ZNF469: variants seen among roughly 807,000 people sequenced by gnomAD.
ZNF469 encodes zinc finger protein 469.
ZNF469 carries 1 observed loss-of-function variant against 1.0 expected under a neutral mutation model. The ratio of observed to expected loss-of-function variants is 1.00; its 90% confidence interval spans 0.35 to 4.73. The LOEUF (loss-of-function observed/expected upper bound fraction) is 4.73, where lower values mean the gene tolerates loss of function less well. Among genes scored for constraint, ZNF469 ranks in the 30% most tolerant of loss-of-function variants. The pLI is 0.16. For missense variants in ZNF469, 6,100 were observed against 5,356.3 expected (o/e 1.14, Z -4.33); for synonymous variants, 2,703 against 2,363.4 (o/e 1.14, Z -4.17).
rs751974223 is a variant in ZNF469, at chr16:88,429,348, C to G, written c.1878C>G (p.Pro626=). ...CCAGCTCAGAGGAAAGCCAGCTCCC[C>G]GGCCCCCTCGGGCCCTCGGCCTTCT... ...ANPSSEESQL[P]GPLGPSAFFH... is the part of the protein sequence containing the mutation. The change falls in exon 3 of 3, where the codon CCC becomes CCG. Residue 626 remains proline (P), a synonymous_variant. Transcript: ENST00000565624. 1.9e-6 allele frequency: 3 copies of G among 1,549,786 alleles called. No individual in the cohort carries two copies. The highest frequency in any genetic ancestry group is 2.6e-6 in the Non-Finnish European group (3 of 1,146,724).
the ZNF469 span, among the ~76,000 whole-genome samples, chr16:88,335,621 C>T: frequency 6.6e-6 from 1 of 152,242 alleles, no homozygotes; most frequent in South Asian, 2.1e-4. Flanking sequence ...TTGCCAAGTC[C>T]AGGCAGATGC....
At chr16:88,320,353 T>G in the ZNF469 span, among the ~76,000 whole-genome samples, 1 of 152,202 alleles carries the variant, frequency 6.6e-6, no homozygotes, top group African/African-American at 2.4e-5. Flanking sequence ...TCATCAGCAT[T>G]TCTTAAAGGC....
the ZNF469 span, among the ~76,000 whole-genome samples, chr16:88,264,263 G>A: frequency 2.6e-5 from 4 of 152,046 alleles, no homozygotes; most frequent in East Asian, 7.8e-4. Context: ...AGGAGCGGAC[G>A]CCCCGTGGCT....
the ZNF469 span, chr16:88,178,785 C>T: frequency 6.6e-6 from 1 of 151,968 alleles, no homozygotes; most frequent in South Asian, 2.1e-4. Context: ...GTCACTCACT[C>T]ATTCAGGAAT....
In ZNF469 at chr16:88,434,791, C is replaced by T. The variant is rs546137802; in HGVS notation, c.7321C>T (p.Pro2441Ser). Residue 2441 changes from proline to serine, a missense_variant, in exon 3 of 3, where the codon CCC becomes TCC. Transcript: ENST00000565624. ...GACTCCCCAGGGGGACCCCCTCGGC[C>T]CCCAAGACCTCAAACAGAGGTCCCG... Reference protein sequence around the residue: ...HQTPQGDPLGPQDLKQRSRGY... With the variant: ...HQTPQGDPLGSQDLKQRSRGY... The T allele has an allele frequency of 1.3e-4, 206 of 1,550,366 alleles. 1 individual carries two copies. The South Asian group carries it at 2.4e-3, about 18-fold the overall frequency.
chr16:88,376,179 G>A, the ZNF469 span, among the ~76,000 whole-genome samples: 3 of 152,270 alleles, frequency 2.0e-5, no homozygotes, highest in Admixed American at 1.3e-4. Context: ...AGTCGCCCCA[G>A]CAACACAAAA....
At chr16:88,395,770 A>G in intron 1 of ZNF469, among the ~76,000 whole-genome samples, 1 of 152,244 alleles carries the variant, frequency 6.6e-6, no homozygotes, top group East Asian at 1.9e-4. Context: ...ATGCTGGGCC[A>G]TTCCACAGCC....
chr16:88,112,772 C>CTTTTTTTTTTTTTTTTTTTTTTTTTTTTT, the ZNF469 span, among the ~76,000 whole-genome samples: 9 of 73,468 alleles, frequency 1.2e-4, 1 homozygote, highest in African/African-American at 3.6e-4. Context: ...TGTGCAGAAG[C>CTTTTTTTTTTTTTTTTTTTTTTTTTTTTT]TTTTTTTTTT....
At chr16:88,250,285 T>C in the ZNF469 span, among the ~76,000 whole-genome samples, 1 of 152,224 alleles carries the variant, frequency 6.6e-6, no homozygotes, top group Non-Finnish European at 1.5e-5. Flanking sequence ...TATTTGAACT[T>C]TATATGAGTG....
chr16:88,434,790 C>T lies in ZNF469; in HGVS notation c.7320C>T (p.Gly2440=). The T allele has an allele frequency of 6.5e-7, 1 of 1,550,332 alleles. No individual in the cohort carries two copies. Among genetic ancestry groups the T allele is most frequent in the Non-Finnish European group, 8.7e-7 (1 of 1,146,960 alleles). Residue 2440 remains glycine (G), a synonymous_variant, in exon 3 of 3, where the codon GGC becomes GGT. Transcript: ENST00000565624. ...AGACTCCCCAGGGGGACCCCCTCGG[C>T]CCCCAAGACCTCAAACAGAGGTCCC... is the stretch of plus-strand genomic sequence containing the variant. The part of the protein sequence containing the change: ...SHQTPQGDPL[G]PQDLKQRSRG...
At chr16:88,286,691 A>T in the ZNF469 span, among the ~76,000 whole-genome samples, 1 of 152,228 alleles carries the variant, frequency 6.6e-6, no homozygotes, top group Non-Finnish European at 1.5e-5. Flanking sequence ...GCTCCCAATG[A>T]CTGACAGGTG....
rs1479420979 is a variant in ZNF469, at chr16:88,439,044, C to CCCGA, written c.11577_11580dup (p.Lys3861AspfsTer56). 2 of 1,550,518 alleles carry CCCGA rather than the reference C, an allele frequency of 1.3e-6. No homozygotes were observed. The highest frequency in any genetic ancestry group is 8.7e-7 in the Non-Finnish European group (1 of 1,146,970). On this transcript the variant is annotated frameshift_variant, in exon 3 of 3. Transcript: ENST00000565624. LOFTEE classifies it low-confidence loss of function (END_TRUNC). ...AGCAGGCAACTCCCAGCCGCGTGCT[C>CCCGA]CCGACCAAGCCCAAGCCCAACAGCC... is the stretch of plus-strand genomic sequence containing the variant.
Position 88,432,839 on chromosome 16 carries a change from C to A in ZNF469, c.5369C>A (p.Ala1790Asp). Reference protein sequence around the residue: ...PGTADQPHRGAPAPEAFGSPA... With the variant: ...PGTADQPHRGDPAPEAFGSPA... ...ACAGCAGACCAGCCCCACCGAGGGG[C>A]CCCTGCTCCAGAAGCTTTTGGCAGC... Residue 1790 changes from alanine (A) to aspartate (D), a missense_variant, in exon 3 of 3, where the codon GCC becomes GAC. Coordinates refer to ENST00000565624, the MANE Select transcript of ZNF469 (RefSeq NM_001367624.2). 1 of 1,550,142 alleles carries A rather than the reference C, an allele frequency of 6.5e-7. No individual in the cohort carries two copies. The highest frequency in any genetic ancestry group is 8.7e-7 in the Non-Finnish European group (1 of 1,146,898).
the ZNF469 span, among the ~76,000 whole-genome samples, chr16:88,225,463 T>A: frequency 1.3e-5 from 2 of 152,094 alleles, no homozygotes; most frequent in Non-Finnish European, 2.9e-5. Flanking sequence ...TGGGCAGGGA[T>A]TGGGGAGACC....
the ZNF469 span, among the ~76,000 whole-genome samples, chr16:88,228,237 C>G: frequency 1.3e-5 from 2 of 152,238 alleles, no homozygotes; most frequent in African/African-American, 2.4e-5. Context: ...GACCCTGCCT[C>G]GCTCCTTGGT....
the ZNF469 span, among the ~76,000 whole-genome samples, chr16:88,210,429 C>G: frequency 2.0e-5 from 3 of 152,074 alleles, no homozygotes; most frequent in African/African-American, 7.2e-5. Context: ...TCTAGTGTTG[C>G]ATTTGGATGT....
the ZNF469 span, among the ~76,000 whole-genome samples, chr16:88,227,025 C>T: frequency 2.8e-4 from 41 of 146,292 alleles, no homozygotes; most frequent in African/African-American, 1.0e-3. Context: ...CCGGGGCCTG[C>T]GCGTTTCCAC....
At chr16:88,111,090 C>A in the ZNF469 span, among the ~76,000 whole-genome samples, 2 of 152,216 alleles carry the variant, frequency 1.3e-5, no homozygotes, top group Non-Finnish European at 2.9e-5. Context: ...GGTGCGACTT[C>A]CCAAACCCCA....
the ZNF469 span, among the ~76,000 whole-genome samples, chr16:88,299,930 C>G: frequency 1.3e-5 from 2 of 152,186 alleles, no homozygotes; most frequent in African/African-American, 4.8e-5. Flanking sequence ...TGAGGACGAC[C>G]TTTTCTTTGT....
Sources: allele counts gnomAD v4.1 joint callset (sites outside exome capture counted in the v4.1 genomes callset), GRCh38; gene constraint gnomAD v4.1.1; transcripts MANE v1.5; gene names NCBI Gene and HGNC (gene_info 2026-07-23, HGNC 2026-07-21).